Variants in PCDHGB3 observed in about 807,000 individuals in gnomAD.
PCDHGB3 encodes protocadherin gamma subfamily B, 3, also known as protocadherin gamma-B3.
A neutral mutation model predicts 59.2 loss-of-function variants in PCDHGB3; 40 were observed. The observed-to-expected ratio is 0.68, with a 90% confidence interval of 0.52 to 0.88. The LOEUF (loss-of-function observed/expected upper bound fraction) is 0.88. Ranked by LOEUF, PCDHGB3 falls within the 40% of genes least tolerant of loss-of-function variation. The pLI, the probability that PCDHGB3 is intolerant of heterozygous loss-of-function variation, is 0.00. For missense variants in PCDHGB3, 1,309 were observed against 1,187.9 expected, an observed-to-expected ratio of 1.10 and a Z score of -1.50; for synonymous variants, 581 against 503.6, an observed-to-expected ratio of 1.15 and a Z score of -2.06.
In PCDHGB3 at chr5:141,432,296, G is replaced by T; in HGVS notation, c.2415+59487G>T. On this transcript the variant is annotated intron_variant, in intron 1 of 3. Coordinates refer to ENST00000576222, the MANE Select transcript of PCDHGB3 (RefSeq NM_018924.5). This position sits in a 1 kb window ranked among gnomAD's most constrained non-coding sequence, Gnocchi z 6.0. ...CGTGTCCATCAACTCCGACACTGGG[G>T]TACTGTATGCGCTGAGCTCCTTCGA... 1 of 1,614,224 alleles carries T rather than the reference G, an allele frequency of 6.2e-7. No individual in the cohort carries two copies. Among genetic ancestry groups the T allele is most frequent in the Non-Finnish European group, 8.5e-7 (1 of 1,180,044 alleles).
chr5:141,447,854 G>A (rs1480134238), intron 1 of PCDHGB3, among the ~76,000 whole-genome samples: 1 of 152,200 alleles, frequency 6.6e-6, no homozygotes, highest in Non-Finnish European at 1.5e-5. Flanking sequence ...GGGAGGCCGA[G>A]GTGGGTGAAT....
At chr5:141,437,887 G>A (rs1289693561) in intron 1 of PCDHGB3, among the ~76,000 whole-genome samples, 12 of 151,946 alleles carry the variant, frequency 7.9e-5, no homozygotes, top group Admixed American at 3.3e-4. Flanking sequence ...ACAGGCACAC[G>A]CCACCACACC....
chr5:141,455,148 A>G (rs6897410), intron 1 of PCDHGB3, among the ~76,000 whole-genome samples: 9,268 of 149,002 alleles, frequency 0.062, 567 homozygotes, highest in African/African-American at 0.16. Flanking sequence ...TTAAATAAAT[A>G]TTAGTTTGTT....
intron 1 of PCDHGB3, among the ~76,000 whole-genome samples, chr5:141,406,361 T>C (rs2094800900): frequency 6.6e-6 from 1 of 152,194 alleles, no homozygotes; most frequent in African/African-American, 2.4e-5. Flanking sequence ...ACTATGTTTG[T>C]AAGGGTAAAC....
chr5:141,483,730 T>G (rs999201456), intron 1 of PCDHGB3, among the ~76,000 whole-genome samples: 1 of 152,014 alleles, frequency 6.6e-6, no homozygotes, highest in Non-Finnish European at 1.5e-5. Flanking sequence ...CCCACCATAG[T>G]CAAAAGGATA....
chr5:141,381,826 CTTTT>C (rs770630741), intron 1 of PCDHGB3, among the ~76,000 whole-genome samples: 27 of 74,296 alleles, frequency 3.6e-4, no homozygotes, highest in Middle Eastern at 8.1e-3. Context: ...CTTTCTTCTT[CTTTT>C]TTTTTTTTTT....
Position 141,432,623 on chromosome 5 carries a change from C to T in PCDHGB3, c.2415+59814C>T, listed in dbSNP as rs1047752183. Reference sequence around the variant, plus strand: ...GCCGGGACTCTTCTCGGTGGGTCTGCACACGGGCGAGGTGCGCACGGCGCG... The same window carrying T: ...GCCGGGACTCTTCTCGGTGGGTCTGTACACGGGCGAGGTGCGCACGGCGCG... On this transcript the variant is annotated intron_variant, in intron 1 of 3. Coordinates refer to ENST00000576222, the MANE Select transcript of PCDHGB3 (RefSeq NM_018924.5). The surrounding 1 kb of genome is among the most constrained non-coding windows in gnomAD (Gnocchi z 6.0). The T allele has an allele frequency of 1.2e-6, 2 of 1,613,196 alleles. No homozygotes were observed. The highest frequency in any genetic ancestry group is 2.2e-5 in the East Asian group (1 of 44,792).
At chr5:141,480,745 C>T (rs528415324) in intron 1 of PCDHGB3, among the ~76,000 whole-genome samples, 1 of 152,278 alleles carries the variant, frequency 6.6e-6, no homozygotes, top group Non-Finnish European at 1.5e-5. Flanking sequence ...ACATAGGCAT[C>T]ATTTTTTGAA....
chr5:141,419,824 AGCCACTGCCACGCT>A, intron 1 of PCDHGB3: 1 of 1,614,038 alleles, frequency 6.2e-7, no homozygotes, highest in South Asian at 1.1e-5. Context: ...CACCCCTTTC[AGCCACTGCCACGCT>A]GCACCTGGTG....
rs111842066 is a variant in PCDHGB3, at chr5:141,486,269, G to A, written c.2416-8538G>A. 6.2e-7 allele frequency: 1 copy of A among 1,613,996 alleles called. No homozygotes were observed. Reference sequence around the variant, plus strand: ...AACCCTCCCCGAGAGTGCAGAACCTGGCACTGTGGTGGCACTTATCAGTGT... The same window carrying A: ...AACCCTCCCCGAGAGTGCAGAACCTAGCACTGTGGTGGCACTTATCAGTGT... On this transcript the variant is annotated intron_variant, in intron 1 of 3. Transcript: ENST00000576222. This position sits in a 1 kb window ranked among gnomAD's most constrained non-coding sequence, Gnocchi z 5.0.
intron 1 of PCDHGB3, chr5:141,394,345 C>T (rs748471730): frequency 1.2e-6 from 2 of 1,614,146 alleles, no homozygotes; most frequent in Non-Finnish European, 1.7e-6. Context: ...AACTCTGACA[C>T]CGGTGTCCTG....
At chr5:141,465,467 C>T (rs2099103834) in intron 1 of PCDHGB3, among the ~76,000 whole-genome samples, 1 of 152,178 alleles carries the variant, frequency 6.6e-6, no homozygotes, top group Non-Finnish European at 1.5e-5. Flanking sequence ...CCAAATTGCC[C>T]TTGCTTCATG....
In PCDHGB3 at chr5:141,417,886, C is replaced by G. The variant is rs1330007520; in HGVS notation, c.2415+45077C>G. Reference sequence around the variant, plus strand: ...TGGGAGGGAGCTGCGCGCAGAGGCGCCGGGCCGGCCCGCGGCAGGTACTAT... The same window carrying G: ...TGGGAGGGAGCTGCGCGCAGAGGCGGCGGGCCGGCCCGCGGCAGGTACTAT... On this transcript the variant is annotated intron_variant, in intron 1 of 3. Transcript: ENST00000576222. The G allele has an allele frequency of 9.0e-6, 14 of 1,563,624 alleles. No individual in the cohort carries two copies. The African/African-American group carries it at 1.9e-4, about 21-fold the overall frequency.
intron 1 of PCDHGB3, chr5:141,383,561 C>A: frequency 5.0e-6 from 8 of 1,613,196 alleles, no homozygotes; most frequent in Non-Finnish European, 6.8e-6. Context: ...GGCGACCCGC[C>A]CCGATCCAGC....
rs994726301 is a variant in PCDHGB3, at chr5:141,476,632, T to C, written c.2416-18175T>C. ...TGGGAAGCAACTCTTTACAAACCTA[T>C]GAGCTGAGCCGAAATGAATACTTTG... On this transcript the variant is annotated intron_variant, in intron 1 of 3. Transcript: ENST00000576222. The surrounding 1 kb of genome is among the most constrained non-coding windows in gnomAD (Gnocchi z 7.6). The C allele has an allele frequency of 8.7e-6, 14 of 1,614,098 alleles. No homozygotes were observed. Among genetic ancestry groups the C allele is most frequent in the Admixed American group, 1.7e-5 (1 of 60,016 alleles).
intron 3 of PCDHGB3, among the ~76,000 whole-genome samples, chr5:141,509,583 A>G (rs1008344833): frequency 7.2e-5 from 11 of 152,320 alleles, no homozygotes; most frequent in African/African-American, 2.4e-4. Flanking sequence ...CGTACAAATC[A>G]GCTGGCAATT....
chr5:141,374,581 C>G, intron 1 of PCDHGB3: 14 of 1,613,660 alleles, frequency 8.7e-6, no homozygotes, highest in Non-Finnish European at 1.0e-5. Flanking sequence ...GAATGAACTC[C>G]CTTCAGGGAT....
chr5:141,420,018 G>T, intron 1 of PCDHGB3: 2 of 1,614,066 alleles, frequency 1.2e-6, no homozygotes, highest in African/African-American at 2.7e-5. Flanking sequence ...CAGTCTTTCA[G>T]CCCTACTGCA....
At chr5:141,410,487 A>G in intron 1 of PCDHGB3, 1 of 1,613,970 alleles carries the variant, frequency 6.2e-7, no homozygotes, top group Non-Finnish European at 8.5e-7. Context: ...ACGGGTACAA[A>G]AGAGTTTAAT....
Sources: gnomAD v4.1 joint callset for allele counts (sites outside exome capture counted in the v4.1 genomes callset) on GRCh38, gnomAD v4.1.1 for gene constraint, Gnocchi (gnomAD v3.1) non-coding constraint, MANE v1.5 for transcripts, NCBI Gene and HGNC (gene_info 2026-07-23, HGNC 2026-07-21) for gene names.